The following VIL1 variants were observed in gnomAD, a reference collection of about 807,000 sequenced individuals.
VIL1 encodes villin 1, also known as villin-1.
VIL1 carries 86 observed loss-of-function variants against 104.0 expected under a neutral mutation model. That is an observed-to-expected ratio of 0.83 (90% CI 0.69 to 0.99). The LOEUF (loss-of-function observed/expected upper bound fraction) is 0.99, where lower values mean the gene tolerates loss of function less well. VIL1 is among the 50% of genes least tolerant of loss of function. The pLI, the probability that VIL1 is intolerant of heterozygous loss-of-function variation, is 0.00. For synonymous variants in VIL1, 394 were observed against 412.6 expected, an observed-to-expected ratio of 0.95 and a Z score of 0.55; for missense variants, 944 against 1,054.1, an observed-to-expected ratio of 0.90 and a Z score of 1.45.
chr2:218,441,564 C>T (rs1298211808), intron 19 of VIL1, among the ~76,000 whole-genome samples: 1 of 152,094 alleles, frequency 6.6e-6, no homozygotes, highest in Non-Finnish European at 1.5e-5. Context: ...GCCAGAGTGG[C>T]TGTGGTGGTG....
chr2:218,429,318 G>C lies in VIL1; in HGVS notation c.601G>C (p.Glu201Gln), dbSNP rs777406275. 1 of 1,614,044 alleles carries C rather than the reference G, an allele frequency of 6.2e-7. No individual in the cohort carries two copies. Among genetic ancestry groups the C allele is most frequent in the Non-Finnish European group, 8.5e-7 (1 of 1,179,980 alleles). The change falls in exon 7 of 20, where the codon GAG becomes CAG. Residue 201 changes from glutamate (E) to glutamine (Q), a missense_variant. Physicochemically the swap from Glu to Gln is conservative, Grantham distance 29. Transcript: ENST00000248444. ...MTLAKEIRDQERGGRTYVGVV... is the reference protein window; with the variant it reads ...MTLAKEIRDQQRGGRTYVGVV... ...TCTGGCCAAGGAGATCCGAGACCAG[G>C]AGCGGGGAGGGCGCACCTATGTAGG...
intron 16 of VIL1, 126 bp from the exon 17 acceptor site, chr2:218,436,998 G>T: frequency 1.7e-6 from 2 of 1,152,296 alleles, no homozygotes; most frequent in Non-Finnish European, 1.2e-6. Flanking sequence ...GCCTGCCCTA[G>T]GTCATTTGGC....
chr2:218,434,934 T>C (rs999925620), intron 14 of VIL1, among the ~76,000 whole-genome samples: 2 of 152,214 alleles, frequency 1.3e-5, no homozygotes, highest in Non-Finnish European at 2.9e-5. Context: ...GGAGTCAGTC[T>C]CTCTTGTTCT....
intron 18 of VIL1, 137 bp downstream of exon 18, chr2:218,438,863 G>T: frequency 1.5e-6 from 1 of 679,694 alleles, no homozygotes; most frequent in Non-Finnish European, 2.4e-6. Context: ...CATTCTTCTT[G>T]CTGTTTTACT....
At chr2:218,432,380 T>G (rs1196773417) in intron 12 of VIL1, 197 bp downstream of exon 12, 13 of 879,294 alleles carry the variant, frequency 1.5e-5, no homozygotes, top group Non-Finnish European at 2.4e-5. Flanking sequence ...TCTCTGAGTC[T>G]CCCTTCCAAT....
intron 3 of VIL1, 40 bp downstream of exon 3, chr2:218,424,391 A>C: frequency 1.2e-6 from 2 of 1,601,038 alleles, no homozygotes; most frequent in Non-Finnish European, 1.7e-6. Flanking sequence ...CAGAGAGCAA[A>C]ACCCACTGTG....
At position 218,425,825 on chromosome 2, in the gene VIL1, G is replaced by A. The variant is rs761943450; in HGVS notation, c.347+14G>A. On this transcript the variant is annotated intron_variant, in intron 4 of 19. Coordinates refer to ENST00000248444, the MANE Select transcript of VIL1 (RefSeq NM_007127.3). Reference sequence around the variant, plus strand: ...GCAAGGCCTTGTGTAGGGAGGGTGGGCTGCAGGCCGGGGGAATGAGGATGA... The same window carrying A: ...GCAAGGCCTTGTGTAGGGAGGGTGGACTGCAGGCCGGGGGAATGAGGATGA... The A allele has an allele frequency of 7.5e-6, 12 of 1,594,606 alleles. No individual in the cohort carries two copies. The highest frequency in any genetic ancestry group is 9.4e-6 in the Non-Finnish European group (11 of 1,169,240).
At chr2:218,435,610 C>T (rs1689176425) in intron 15 of VIL1, among the ~76,000 whole-genome samples, 176 bp downstream of exon 15, 1 of 152,218 alleles carries the variant, frequency 6.6e-6, no homozygotes, top group Non-Finnish European at 1.5e-5. Context: ...CTTGGAGCCT[C>T]TTGGCACAGG....
At chr2:218,444,106 C>T (rs1274523701) in intron 19 of VIL1, among the ~76,000 whole-genome samples, 5 of 152,128 alleles carry the variant, frequency 3.3e-5, no homozygotes, top group African/African-American at 7.2e-5. Flanking sequence ...GCTGGGATTA[C>T]AGGCGTGCGC....
chr2:218,447,055 C>T (rs1211158199), intron 19 of VIL1, among the ~76,000 whole-genome samples: 1 of 152,134 alleles, frequency 6.6e-6, no homozygotes, highest in Admixed American at 6.5e-5. Context: ...TGAGCCAACG[C>T]GCCCGGCCTG....
chr2:218,429,931 C>T lies in VIL1; in HGVS notation c.932C>T (p.Ala311Val). 1.9e-6 allele frequency: 3 copies of T among 1,612,990 alleles called. No individual in the cohort carries two copies. The highest frequency in any genetic ancestry group is 1.7e-6 in the Non-Finnish European group (2 of 1,179,448). ...GCCAATGAGCAGGAGAAGAAGGGAG[C>T]CATGAGCCATGCGCTGGTAGTGGTG... is the stretch of plus-strand genomic sequence containing the variant. ...KKANEQEKKG[A>V]MSHALNFIKA... Residue 311 changes from alanine to valine, a missense_variant, in exon 9 of 20, where the codon GCC becomes GTC. Transcript: ENST00000248444.
At chr2:218,423,114 G>A (rs969986647) in intron 1 of VIL1, among the ~76,000 whole-genome samples, 2 of 152,142 alleles carry the variant, frequency 1.3e-5, no homozygotes, top group Non-Finnish European at 2.9e-5. Flanking sequence ...AAAAAGGGCC[G>A]GCCAGGCACA....
Position 218,449,365 on chromosome 2 carries a change from C to A in VIL1, c.*29C>A. ...GAGTAGCTGTGGTTGTAAAGCAGTA[C>A]CCTACCCTGATTGTAGGGTCTCATT... is the stretch of plus-strand genomic sequence containing the variant. On this transcript the variant is annotated 3_prime_UTR_variant, in exon 20 of 20. Coordinates refer to ENST00000248444, the MANE Select transcript of VIL1 (RefSeq NM_007127.3). 4 of 1,541,512 alleles carry A rather than the reference C, an allele frequency of 2.6e-6. No homozygotes were observed. Among genetic ancestry groups the A allele is most frequent in the Non-Finnish European group, 3.6e-6 (4 of 1,114,490 alleles).
chr2:218,449,805 T>TA lies in VIL1; in HGVS notation c.*472dup, dbSNP rs1689439276. The TA allele has an allele frequency of 6.0e-6, 1 of 165,970 alleles. No homozygotes were observed. Among genetic ancestry groups the TA allele is most frequent in the Non-Finnish European group, 1.3e-5 (1 of 75,016 alleles). The allele number at this position is 165,970 out of a possible 1,614,324, so 10.3% of individuals were successfully genotyped here. A position where few individuals can be genotyped will look rare whatever the true frequency, so the allele number is the denominator to read the frequency against. Reference sequence around the variant, plus strand: ...TTACTGCCTTACTCAGTGGGTAAGTTAAAGGGCTGAAGGAGAGTTGAATGG... The same window carrying TA: ...TTACTGCCTTACTCAGTGGGTAAGTTAAAAGGGCTGAAGGAGAGTTGAATGG... On this transcript the variant is annotated 3_prime_UTR_variant, in exon 20 of 20. Transcript: ENST00000248444.
chr2:218,432,737 G>A (rs1038091330), intron 12 of VIL1, 56 bp from the exon 13 acceptor site: 130 of 1,602,058 alleles, frequency 8.1e-5, no homozygotes, highest in Non-Finnish European at 1.0e-4. Context: ...GGCTGAGGAT[G>A]GGGTCAGAAT....
rs1689429861 is a variant in VIL1, at chr2:218,449,439, G to A, written c.*103G>A. The A allele has an allele frequency of 2.1e-6, 2 of 936,818 alleles. No homozygotes were observed. The highest frequency in any genetic ancestry group is 1.7e-6 in the Non-Finnish European group (1 of 584,844). 58.0% of individuals were successfully genotyped at this position (936,818 alleles called of 1,614,324 possible). A position where few individuals can be genotyped will look rare whatever the true frequency, so the allele number is the denominator to read the frequency against. ...CCAATTGAAGTGAAATTTTGCAGAT[G>A]TGCCTATGAGCACAAACTTCTGTGG... is the stretch of plus-strand genomic sequence containing the variant. On this transcript the variant is annotated 3_prime_UTR_variant, in exon 20 of 20. Transcript: ENST00000248444.
intron 19 of VIL1, among the ~76,000 whole-genome samples, chr2:218,443,428 C>T (rs1230275194): frequency 1.3e-5 from 2 of 151,856 alleles, no homozygotes; most frequent in Non-Finnish European, 2.9e-5. Flanking sequence ...AAACTCCTGA[C>T]CTTAGGTGAT....
At chr2:218,434,738 C>T (rs955975590) in intron 14 of VIL1, 33 bp downstream of exon 14, 19 of 1,577,554 alleles carry the variant, frequency 1.2e-5, no homozygotes, top group African/African-American at 6.8e-5. Context: ...TCCCCATCCG[C>T]AAGTGGGTCC....
chr2:218,452,225 AT>A lies in VIL1; in HGVS notation c.*2893del, dbSNP rs1689504686. On this transcript the variant is annotated 3_prime_UTR_variant, in exon 20 of 20. Transcript: ENST00000248444. ...AAAGTAATGTAACCACACATTTGGT[AT>A]TTTCAATAGGAAGGTTAATTAGGTA... 6.6e-6 allele frequency: 1 copy of A among 152,128 alleles called. No individual in the cohort carries two copies. The highest frequency in any genetic ancestry group is 1.5e-5 in the Non-Finnish European group (1 of 68,028). 9.4% of individuals were successfully genotyped at this position (152,128 alleles called of 1,614,324 possible).
Sources: gnomAD v4.1 joint callset for allele counts (sites outside exome capture counted in the v4.1 genomes callset) on GRCh38, gnomAD v4.1.1 for gene constraint, MANE v1.5 for transcripts, NCBI Gene and HGNC (gene_info 2026-07-23, HGNC 2026-07-21) for gene names.